HS6ST3: variants seen among roughly 807,000 people sequenced by gnomAD.
HS6ST3 encodes heparan-sulfate 6-O-sulfotransferase 3.
Under a neutral mutation model 36.7 loss-of-function variants are expected in HS6ST3, and 12 were observed. That is an observed-to-expected ratio of 0.33 (90% confidence interval 0.21 to 0.53). The LOEUF is 0.53. Ranked by LOEUF, HS6ST3 falls within the 20% of genes least tolerant of loss-of-function variation. The pLI is 0.95. For synonymous variants in HS6ST3, 240 were observed against 257.5 expected (o/e 0.93, Z 0.65); for missense variants, 584 against 640.9 (o/e 0.91, Z 0.96).
chr13:96,131,713 C>T (rs1054432065), intron 1 of HS6ST3, among the ~76,000 whole-genome samples: 1 of 150,122 alleles, frequency 6.7e-6, no homozygotes, highest in Non-Finnish European at 1.5e-5. Context: ...TCTCCTCTCC[C>T]TCCCCTAACT....
chr13:96,622,931 G>C (rs1256668042), intron 1 of HS6ST3, among the ~76,000 whole-genome samples: 3 of 151,954 alleles, frequency 2.0e-5, no homozygotes, highest in Non-Finnish European at 2.9e-5. Context: ...AAGTCTGCCT[G>C]GCTTTATAAT....
chr13:96,510,212 C>A (rs2056043977), intron 1 of HS6ST3, among the ~76,000 whole-genome samples: 1 of 151,818 alleles, frequency 6.6e-6, no homozygotes, highest in African/African-American at 2.4e-5. Flanking sequence ...TATAGCAGTG[C>A]TACTGATTTG....
intron 1 of HS6ST3, among the ~76,000 whole-genome samples, chr13:96,685,816 AG>A (rs1396949654): frequency 3.9e-5 from 6 of 152,142 alleles, no homozygotes; most frequent in Non-Finnish European, 7.4e-5. Context: ...AAAACTTCCA[AG>A]GAGCCAAGAA....
chr13:96,692,644 A>G (rs1279167728), intron 1 of HS6ST3, among the ~76,000 whole-genome samples: 1 of 152,162 alleles, frequency 6.6e-6, no homozygotes, highest in African/African-American at 2.4e-5. Context: ...AGCAGCATCT[A>G]TTTTTATGTG....
At chr13:96,580,193 CATATAT>C (rs3051282) in intron 1 of HS6ST3, among the ~76,000 whole-genome samples, 31,549 of 139,938 alleles carry the variant, frequency 0.23, 3,782 homozygotes, top group East Asian at 0.41. Flanking sequence ...CCCATCCAGA[CATATAT>C]ATATATATAT....
chr13:96,637,152 ACT>A (rs2056552826), intron 1 of HS6ST3, among the ~76,000 whole-genome samples: 3 of 151,990 alleles, frequency 2.0e-5, no homozygotes, highest in South Asian at 4.1e-4. Flanking sequence ...TTATTATATA[ACT>A]CTGTGTTAAT....
chr13:96,112,984 T>C (rs1009919057), intron 1 of HS6ST3, among the ~76,000 whole-genome samples: 3 of 151,958 alleles, frequency 2.0e-5, no homozygotes, highest in Non-Finnish European at 2.9e-5. Flanking sequence ...GGAGCAGATG[T>C]AGTGAATTCC....
At chr13:96,299,638 C>G (rs1259626441) in intron 1 of HS6ST3, among the ~76,000 whole-genome samples, 1 of 152,068 alleles carries the variant, frequency 6.6e-6, no homozygotes, top group East Asian at 1.9e-4. Context: ...TATGAAAGAA[C>G]TTGGGGGATA....
At chr13:96,610,783 G>A (rs1390657715) in intron 1 of HS6ST3, among the ~76,000 whole-genome samples, 3 of 151,308 alleles carry the variant, frequency 2.0e-5, no homozygotes, top group Non-Finnish European at 4.4e-5. Context: ...AAATAGAAGA[G>A]ACAGATAGTA....
At chr13:96,814,428 T>A (rs553205900) in intron 1 of HS6ST3, among the ~76,000 whole-genome samples, 1 of 152,170 alleles carries the variant, frequency 6.6e-6, no homozygotes, top group Non-Finnish European at 1.5e-5. Flanking sequence ...ATATATCTAA[T>A]CTCTTTTCAG....
intron 1 of HS6ST3, among the ~76,000 whole-genome samples, chr13:96,424,865 C>T (rs2055578750): frequency 6.6e-6 from 1 of 152,080 alleles, no homozygotes; most frequent in Non-Finnish European, 1.5e-5. Flanking sequence ...AGATTGGTGG[C>T]CCTCATTTTT....
At chr13:96,638,759 T>C (rs1229409328) in intron 1 of HS6ST3, among the ~76,000 whole-genome samples, 1 of 151,912 alleles carries the variant, frequency 6.6e-6, no homozygotes, top group East Asian at 1.9e-4. Flanking sequence ...TTTTTTAAAA[T>C]AAATTACCCA....
chr13:96,495,648 C>G (rs893691080), intron 1 of HS6ST3, among the ~76,000 whole-genome samples: 4 of 152,026 alleles, frequency 2.6e-5, no homozygotes, highest in Non-Finnish European at 1.5e-5. Flanking sequence ...CATTTAATGA[C>G]GACTCTAATA....
intron 1 of HS6ST3, among the ~76,000 whole-genome samples, chr13:96,596,709 A>G (rs948817384): frequency 3.9e-5 from 6 of 152,194 alleles, no homozygotes; most frequent in African/African-American, 1.2e-4. Flanking sequence ...TGTGGAGAAA[A>G]AGAAACATTT....
At chr13:96,468,588 T>C (rs2055825880) in intron 1 of HS6ST3, among the ~76,000 whole-genome samples, 1 of 152,078 alleles carries the variant, frequency 6.6e-6, no homozygotes, top group Admixed American at 6.6e-5. Flanking sequence ...AGACATGCTG[T>C]TGCAGGGCTG....
chr13:96,648,218 G>A (rs939300774), intron 1 of HS6ST3, among the ~76,000 whole-genome samples: 4 of 151,968 alleles, frequency 2.6e-5, no homozygotes, highest in Admixed American at 6.6e-5. Context: ...CACAACACAA[G>A]CTGTCACCTG....
intron 1 of HS6ST3, among the ~76,000 whole-genome samples, chr13:96,355,399 A>G (rs1594761199): frequency 7.0e-6 from 1 of 143,096 alleles, no homozygotes; most frequent in East Asian, 2.0e-4. Flanking sequence ...ACACACACAC[A>G]CACAAACACA....
chr13:96,478,377 A>G (rs1333610727), intron 1 of HS6ST3, among the ~76,000 whole-genome samples: 1 of 152,332 alleles, frequency 6.6e-6, no homozygotes, highest in South Asian at 2.1e-4. Context: ...CGGAGTCCTA[A>G]GCGGCAAAAA....
chr13:96,367,877 G>C (rs971455302), intron 1 of HS6ST3, among the ~76,000 whole-genome samples: 5 of 152,102 alleles, frequency 3.3e-5, no homozygotes, highest in African/African-American at 9.7e-5. Context: ...CTTGGTGACT[G>C]TTCTAACTTT....
Sources: gnomAD v4.1 joint callset for allele counts (sites outside exome capture counted in the v4.1 genomes callset) on GRCh38, gnomAD v4.1.1 for gene constraint, MANE v1.5 for transcripts, NCBI Gene and HGNC (gene_info 2026-07-23, HGNC 2026-07-21) for gene names.